Variants in HS6ST2 observed in about 807,000 individuals in gnomAD.
The protein encoded by HS6ST2 is heparan-sulfate 6-O-sulfotransferase 2.
HS6ST2 carries 17 observed loss-of-function variants against 33.0 expected under a neutral mutation model. That is an observed-to-expected ratio of 0.52 (90% CI 0.35 to 0.77). The LOEUF (loss-of-function observed/expected upper bound fraction) is 0.77, where lower values mean the gene tolerates loss of function less well. HS6ST2 is among the 30% of genes least tolerant of loss of function. The probability of loss-of-function intolerance (pLI) is 0.01; values close to 1 mark genes in which losing one functional copy is unlikely to be tolerated. For synonymous variants in HS6ST2, 248 were observed against 237.1 expected (o/e 1.05, Z -0.42); for missense variants, 519 against 551.7 (o/e 0.94, Z 0.59).
At chrX:132,667,450 CCTT>C (rs1469612325) in intron 4 of HS6ST2, among the ~76,000 whole-genome samples, 1 of 111,810 alleles carries the variant, frequency 8.9e-6, no homozygotes, top group African/African-American at 3.3e-5. Context: ...TTTTTTATCT[CCTT>C]AAGAATGTAT....
chrX:132,923,818 C>T (rs985969341), intron 2 of HS6ST2, among the ~76,000 whole-genome samples: 2 of 110,397 alleles, frequency 1.8e-5, no homozygotes, highest in African/African-American at 3.3e-5. Context: ...ACCACAGGCC[C>T]GCTCCATATG....
intron 4 of HS6ST2, among the ~76,000 whole-genome samples, chrX:132,636,620 A>T (rs763167718): frequency 1.8e-5 from 2 of 111,852 alleles, no homozygotes; most frequent in South Asian, 3.8e-4. Flanking sequence ...ACTGAGGCCC[A>T]GAGAGAGACA....
chrX:132,859,619 G>A (rs2065888808), intron 2 of HS6ST2, among the ~76,000 whole-genome samples: 1 of 101,166 alleles, frequency 9.9e-6, no homozygotes, highest in East Asian at 3.3e-4. Context: ...GGAAAGAAAG[G>A]GAGGGAAGGA....
At chrX:132,869,169 A>C (rs2066028358) in intron 2 of HS6ST2, among the ~76,000 whole-genome samples, 1 of 111,881 alleles carries the variant, frequency 8.9e-6, no homozygotes, top group Non-Finnish European at 1.9e-5. Context: ...CAAATAAACT[A>C]GAAAATCTAG....
chrX:132,842,019 G>A (rs1011537045), intron 2 of HS6ST2, among the ~76,000 whole-genome samples: 8 of 111,922 alleles, frequency 7.1e-5, no homozygotes, highest in African/African-American at 1.9e-4. Flanking sequence ...GATATCAAAC[G>A]CAAATGATTA....
At chrX:132,849,600 A>G (rs2065783259) in intron 2 of HS6ST2, among the ~76,000 whole-genome samples, 2 of 112,035 alleles carry the variant, frequency 1.8e-5, no homozygotes, top group Non-Finnish European at 3.8e-5. Context: ...AGTGGGGCAC[A>G]CTGACTTTAT....
intron 2 of HS6ST2, among the ~76,000 whole-genome samples, chrX:132,848,064 G>A (rs1466684416): frequency 1.8e-5 from 2 of 111,953 alleles, no homozygotes; most frequent in African/African-American, 6.5e-5. Context: ...GACTTTCAAG[G>A]GATCTTCCAG....
chrX:132,892,089 G>A (rs2066320814), intron 2 of HS6ST2, among the ~76,000 whole-genome samples: 1 of 112,160 alleles, frequency 8.9e-6, no homozygotes, highest in South Asian at 3.7e-4. Flanking sequence ...TAACTGGTGT[G>A]AGATGGTATC....
intron 2 of HS6ST2, among the ~76,000 whole-genome samples, chrX:132,858,327 G>A (rs746594386): frequency 9.0e-4 from 101 of 112,203 alleles, no homozygotes; most frequent in Middle Eastern, 4.6e-3. Flanking sequence ...AATCTTGATG[G>A]TGAAACAAGA....
chrX:132,706,058 G>A (rs921859625), intron 3 of HS6ST2, among the ~76,000 whole-genome samples: 5 of 109,153 alleles, frequency 4.6e-5, no homozygotes, highest in East Asian at 2.9e-4. Flanking sequence ...AGTTCCCAAC[G>A]TTTGAAAGGT....
chrX:132,639,446 T>C (rs1198579187), intron 4 of HS6ST2, among the ~76,000 whole-genome samples: 1 of 111,692 alleles, frequency 9.0e-6, no homozygotes, highest in Non-Finnish European at 1.9e-5. Context: ...AGTGTATTCT[T>C]GAGGTGGAAG....
At chrX:132,720,371 C>T (rs775807439) in intron 2 of HS6ST2, among the ~76,000 whole-genome samples, 11 of 110,906 alleles carry the variant, frequency 9.9e-5, no homozygotes, top group Non-Finnish European at 1.9e-4. Context: ...ACATTCTGAT[C>T]AATCTCCAAC....
chrX:132,882,018 G>A (rs1487054145), intron 2 of HS6ST2, among the ~76,000 whole-genome samples: 1 of 111,580 alleles, frequency 9.0e-6, no homozygotes, highest in Non-Finnish European at 1.9e-5. Context: ...TGCTGTTTTG[G>A]TTACTGTAGC....
At chrX:132,759,972 C>T (rs1056392810) in intron 2 of HS6ST2, among the ~76,000 whole-genome samples, 1 of 111,841 alleles carries the variant, frequency 8.9e-6, no homozygotes, top group African/African-American at 3.3e-5. Flanking sequence ...GTAGTATCCT[C>T]AAGGTCACAT....
At chrX:132,876,721 G>T (rs2066111769) in intron 2 of HS6ST2, among the ~76,000 whole-genome samples, 1 of 110,859 alleles carries the variant, frequency 9.0e-6, no homozygotes, top group Non-Finnish European at 1.9e-5. Flanking sequence ...AATTAGCTCT[G>T]GTTCCAGCCC....
At chrX:132,690,865 C>T (rs894775178) in intron 3 of HS6ST2, among the ~76,000 whole-genome samples, 3 of 111,774 alleles carry the variant, frequency 2.7e-5, no homozygotes, top group African/African-American at 9.8e-5. Flanking sequence ...TAAGGGATCC[C>T]AGTCTACAAC....
At chrX:132,752,579 C>G (rs17000319) in intron 2 of HS6ST2, among the ~76,000 whole-genome samples, 1,710 of 111,362 alleles carry the variant, frequency 0.015, 26 homozygotes, top group African/African-American at 0.051. Flanking sequence ...AGACGCTGAT[C>G]AGAAATGGGA....
chrX:132,698,299 T>A (rs904435339), intron 3 of HS6ST2, among the ~76,000 whole-genome samples: 4 of 112,482 alleles, frequency 3.6e-5, no homozygotes, highest in Non-Finnish European at 7.5e-5. Context: ...ATGTTACTGC[T>A]GTACTACATA....
chrX:132,794,048 G>A (rs954705216), intron 2 of HS6ST2, among the ~76,000 whole-genome samples: 45 of 112,898 alleles, frequency 4.0e-4, no homozygotes, highest in African/African-American at 1.4e-3. Flanking sequence ...TTTGGTCTGC[G>A]TGCATACGCT....
Sources: gnomAD v4.1 joint callset for allele counts (sites outside exome capture counted in the v4.1 genomes callset) on GRCh38, gnomAD v4.1.1 for gene constraint, MANE v1.5 for transcripts, NCBI Gene and HGNC (gene_info 2026-07-23, HGNC 2026-07-21) for gene names.